RBFOX1: variants seen among roughly 807,000 people sequenced by gnomAD.
RBFOX1 encodes RNA binding fox-1 homolog 1, also known as RNA binding protein fox-1 homolog 1.
In RBFOX1, 8 loss-of-function variants were observed where a neutral mutation model predicts 57.7. That is an observed-to-expected ratio of 0.14 (90% CI 0.08 to 0.25). RBFOX1 has a LOEUF of 0.25. Among genes scored for constraint, RBFOX1 ranks in the 10% least tolerant of loss-of-function variants. The probability of loss-of-function intolerance (pLI) is 1.00; values close to 1 mark genes in which losing one functional copy is unlikely to be tolerated. For synonymous variants in RBFOX1, 326 were observed against 222.4 expected, an observed-to-expected ratio of 1.47 and a Z score of -4.15; for missense variants, 611 against 548.5, an observed-to-expected ratio of 1.11 and a Z score of -1.14.
intron 4 of RBFOX1, among the ~76,000 whole-genome samples, chr16:5,900,167 ATC>A (rs1472627922): frequency 6.6e-6 from 1 of 152,200 alleles, no homozygotes; most frequent in Non-Finnish European, 1.5e-5. Context: ...ATTGACTAAT[ATC>A]TAAGCTTTCT....
chr16:5,904,653 G>C (rs1416207866), intron 4 of RBFOX1, among the ~76,000 whole-genome samples: 2 of 152,056 alleles, frequency 1.3e-5, no homozygotes, highest in African/African-American at 4.8e-5. Context: ...ACCTCAGAAT[G>C]TGACTGCTTT....
intron 3 of RBFOX1, among the ~76,000 whole-genome samples, chr16:6,985,712 T>C (rs2090086679): frequency 6.6e-6 from 1 of 151,604 alleles, no homozygotes. Context: ...CAGGTGCCTA[T>C]AATCTCAGCT....
chr16:7,447,626 C>T (rs951856990), intron 4 of RBFOX1, among the ~76,000 whole-genome samples: 1 of 152,268 alleles, frequency 6.6e-6, no homozygotes. Context: ...ATAAAGTGGT[C>T]AAGAGCTGTA....
At chr16:5,619,557 G>T (rs959032647) in intron 3 of RBFOX1, among the ~76,000 whole-genome samples, 1 of 152,134 alleles carries the variant, frequency 6.6e-6, no homozygotes, top group African/African-American at 2.4e-5. Context: ...TGAAAATCTC[G>T]CCAGACTGCC....
intron 2 of RBFOX1, among the ~76,000 whole-genome samples, chr16:6,618,137 G>C (rs1431763507): frequency 6.6e-6 from 1 of 151,902 alleles, no homozygotes; most frequent in Non-Finnish European, 1.5e-5. Context: ...AGTGCTCCCA[G>C]TGTTACAGGG....
Position 5,492,041 on chromosome 16 carries a change from G to C in RBFOX1, c.258+24787G>C, listed in dbSNP as rs144422926. On this transcript the variant is annotated intron_variant, in intron 2 of 2. Coordinates refer to the RBFOX1 transcript ENST00000585867. ...TGGGCCCCAGACCAGCAGTATCAGCGTTGCCTGGGAGCTTGTTGGAACTGC... is the reference window on the plus strand; with the variant it reads ...TGGGCCCCAGACCAGCAGTATCAGCCTTGCCTGGGAGCTTGTTGGAACTGC... Among the ~76,000 whole-genome samples, 230 of 152,276 alleles carry C rather than the reference G, an allele frequency of 1.5e-3. 1 individual carries two copies. The highest frequency in any genetic ancestry group is 5.2e-3 in the African/African-American group (214 of 41,552).
intron 2 of RBFOX1, among the ~76,000 whole-genome samples, chr16:6,464,548 G>A (rs1184829524): frequency 6.6e-6 from 1 of 152,146 alleles, no homozygotes; most frequent in Non-Finnish European, 1.5e-5. Context: ...TTATGCATTT[G>A]CCTGACATTT....
intron 2 of RBFOX1, among the ~76,000 whole-genome samples, chr16:6,629,789 A>G (rs1339007046): frequency 6.6e-6 from 1 of 152,326 alleles, no homozygotes; most frequent in East Asian, 1.9e-4. Flanking sequence ...TAGCTTCGCT[A>G]TTAGCCACAG....
At chr16:7,695,877 A>G (rs1026165773) in intron 14 of RBFOX1, among the ~76,000 whole-genome samples, 8 of 152,172 alleles carry the variant, frequency 5.3e-5, no homozygotes, top group African/African-American at 1.9e-4. Context: ...GATGGATGTT[A>G]TAACTGAAAT....
At chr16:5,707,479 A>T (rs1042311174) in intron 3 of RBFOX1, among the ~76,000 whole-genome samples, 1 of 152,228 alleles carries the variant, frequency 6.6e-6, no homozygotes, top group Non-Finnish European at 1.5e-5. Flanking sequence ...ACCACTAAAG[A>T]TGCCAGGTCC....
intron 5 of RBFOX1, among the ~76,000 whole-genome samples, chr16:7,551,656 G>A (rs1194185742): frequency 6.6e-6 from 1 of 152,188 alleles, no homozygotes; most frequent in African/African-American, 2.4e-5. Context: ...GAGCAGGTAG[G>A]AGTTACTCTA....
intron 2 of RBFOX1, among the ~76,000 whole-genome samples, chr16:6,419,293 T>G (rs184180347): frequency 2.3e-4 from 35 of 152,334 alleles, no homozygotes; most frequent in African/African-American, 8.4e-4. Context: ...CATTACTCTT[T>G]GCCTGACTGG....
At position 6,346,112 on chromosome 16, in the gene RBFOX1, C is replaced by T. The variant is rs142801109; in HGVS notation, c.-64+29055C>T. Among the ~76,000 whole-genome samples, 131 of 152,194 alleles carry T rather than the reference C, an allele frequency of 8.6e-4. 2 individuals carry two copies. In the East Asian group the frequency reaches 0.021, roughly 24 times the overall value. On this transcript the variant is annotated intron_variant, in intron 2 of 15. Coordinates refer to ENST00000550418, the MANE Select transcript of RBFOX1 (RefSeq NM_018723.4). ...TGAATAGAATGGGAGGCAGGTTGGC[C>T]CTAAGCATTTCCCAGCTTGACTTTT...
At chr16:7,545,018 C>A (rs372725504) in intron 5 of RBFOX1, among the ~76,000 whole-genome samples, 1 of 152,094 alleles carries the variant, frequency 6.6e-6, no homozygotes, top group Non-Finnish European at 1.5e-5. Flanking sequence ...AGGACTAAGC[C>A]GAGCAGTACA....
chr16:6,906,329 G>C (rs1458426660), intron 3 of RBFOX1, among the ~76,000 whole-genome samples: 2 of 151,692 alleles, frequency 1.3e-5, no homozygotes, highest in Non-Finnish European at 2.9e-5. Flanking sequence ...ATTCAATTGT[G>C]TCTCAGGCAC....
chr16:7,628,448 T>TA (rs1350701990), intron 10 of RBFOX1, among the ~76,000 whole-genome samples: 2 of 152,192 alleles, frequency 1.3e-5, no homozygotes, highest in African/African-American at 4.8e-5. Context: ...TAGAGGGGAC[T>TA]AACTGTCTTT....
intron 3 of RBFOX1, among the ~76,000 whole-genome samples, chr16:6,801,200 A>G (rs1441336157): frequency 2.9e-5 from 2 of 70,000 alleles, no homozygotes; most frequent in African/African-American, 2.1e-4. Flanking sequence ...TTGAACATGC[A>G]AAAAAAAAAA....
At chr16:5,585,156 A>AACT (rs1230958607) in intron 2 of RBFOX1, among the ~76,000 whole-genome samples, 1 of 152,174 alleles carries the variant, frequency 6.6e-6, no homozygotes, top group Non-Finnish European at 1.5e-5. Context: ...TCCCTTAAGG[A>AACT]ACTACTCCCC....
intron 3 of RBFOX1, among the ~76,000 whole-genome samples, chr16:7,024,060 G>C (rs2040155526): frequency 6.6e-6 from 1 of 152,124 alleles, no homozygotes; most frequent in Non-Finnish European, 1.5e-5. Flanking sequence ...CATAAAACCA[G>C]GGATTTCTTA....
Sources: allele counts gnomAD v4.1 joint callset (sites outside exome capture counted in the v4.1 genomes callset), GRCh38; gene constraint gnomAD v4.1.1; transcripts MANE v1.5; gene names NCBI Gene and HGNC (gene_info 2026-07-23, HGNC 2026-07-21).